The following MED24 variants were observed in gnomAD, a reference collection of about 807,000 sequenced individuals.
MED24 encodes mediator of RNA polymerase II transcription subunit 24.
MED24 carries 74 observed loss-of-function variants against 118.8 expected under a neutral mutation model. The ratio of observed to expected loss-of-function variants is 0.62; its 90% CI spans 0.52 to 0.76. MED24 has a LOEUF of 0.76. Among genes scored for constraint, MED24 ranks in the 30% least tolerant of loss-of-function variants. The pLI, the probability that MED24 is intolerant of heterozygous loss-of-function variation, is 0.00. For missense variants in MED24, 1,041 were observed against 1,278.9 expected (o/e 0.81, Z 2.84); for synonymous variants, 521 against 523.9 (o/e 0.99, Z 0.08).
rs190086252 is a variant in MED24 at position 40,044,705 on chromosome 17, C to T, written c.214-8551G>A. Among the ~76,000 whole-genome samples the T allele has an allele frequency of 2.9e-3, 437 of 151,568 alleles. 3 individuals are homozygous for T. The Middle Eastern group carries it at 0.066, about 23-fold the overall frequency. On this transcript the variant is annotated intron_variant, in intron 3 of 25. Transcript: ENST00000394128. ...GACCATCCTGGCTAACAAGATGAAA[C>T]GCATCTCTACTAAAAATACAAAAAT...
chr17:40,029,290 C>T (rs1448666038), intron 13 of MED24, among the ~76,000 whole-genome samples: 1 of 152,170 alleles, frequency 6.6e-6, no homozygotes, highest in Admixed American at 6.5e-5. Context: ...CCTCTGCCCC[C>T]CAGGGTTCAG....
intron 3 of MED24, among the ~76,000 whole-genome samples, chr17:40,043,905 C>CAAAAAAAAAAAAAAAAAAAAAAA (rs1555668276): frequency 5.2e-5 from 6 of 115,176 alleles, no homozygotes; most frequent in Non-Finnish European, 7.5e-5. Flanking sequence ...AAAAAAAAAA[C>CAAAAAAAAAAAAAAAAAAAAAAA]AAAGATTTAA....
chr17:40,030,669 T>TA (rs10629038), intron 12 of MED24, among the ~76,000 whole-genome samples: 33 of 90,362 alleles, frequency 3.7e-4, no homozygotes, highest in African/African-American at 1.2e-3. Context: ...TTTATTTATT[T>TA]TTTTTTTGAG....
rs772575525 is a variant in MED24, at chr17:40,023,315, GAGGGA to G, written c.2061_2065del (p.Pro688HisfsTer44). ...GTAGGGCATTGTGTCCACCCCGGTG[GAGGGA>G]AACTTGATCTGCGTGGCTGTCTGCT... is the stretch of plus-strand genomic sequence containing the variant. On this transcript the variant is annotated frameshift_variant, in exon 20 of 26. Coordinates refer to ENST00000394128, the MANE Select transcript of MED24 (RefSeq NM_014815.4). LOFTEE classifies it high-confidence loss of function. 5 of 1,613,902 alleles carry G rather than the reference GAGGGA, an allele frequency of 3.1e-6. No homozygotes were observed. The highest frequency in any genetic ancestry group is 1.7e-5 in the Admixed American group (1 of 59,996).
intron 13 of MED24, 111 bp downstream of exon 13, chr17:40,029,637 A>T: frequency 9.9e-7 from 1 of 1,012,554 alleles, no homozygotes; most frequent in Non-Finnish European, 1.5e-6. Flanking sequence ...AACTATGTAT[A>T]AAAGCTAAAG....
Position 40,023,356 on chromosome 17 carries a change from G to A in MED24, c.2025C>T (p.Ala675=), listed in dbSNP as rs568088513. The A allele has an allele frequency of 4.2e-5, 67 of 1,611,314 alleles. 1 individual carries two copies. Among genetic ancestry groups the A allele is most frequent in the South Asian group, 9.9e-5 (9 of 90,652 alleles). The part of the protein sequence containing the change: ...IMNSILERMC[A]DVLQQTATQI... ...GCGTGGCTGTCTGCTGCAGCACGTC[G>A]GCACACATGCGCTCCAGGATCGAGT... is the stretch of plus-strand genomic sequence containing the variant. The change falls in exon 20 of 26, where the codon GCC becomes GCT. Residue 675 remains alanine, a synonymous_variant. Coordinates refer to ENST00000394128, the MANE Select transcript of MED24 (RefSeq NM_014815.4).
At position 40,022,645 on chromosome 17, in the gene MED24, T is replaced by A; in HGVS notation, c.2432A>T (p.Lys811Met). Residue 811 changes from lysine (K) to methionine (M), a missense_variant and splice_region_variant, in exon 21 of 26, where the codon AAG (lysine) becomes ATG (methionine). Physicochemically the swap from Lys to Met is moderately conservative, Grantham distance 95 (BLOSUM62 -1). This residue lies in a region of MED24 where 587 missense variants were observed against 694.4 expected (regional missense o/e 0.85). Coordinates refer to ENST00000394128, the MANE Select transcript of MED24 (RefSeq NM_014815.4). Reference protein sequence around the residue: ...LMDPPGTALAKLAVWCALSSY... With the variant: ...LMDPPGTALAMLAVWCALSSY... ...GGGCAAGCTCTGAAGAGAATCTTAC[T>A]TGGCAAGAGCAGTGCCCGGGGGGTC... The A allele has an allele frequency of 6.2e-7, 1 of 1,613,228 alleles. No individual in the cohort carries two copies. Among genetic ancestry groups the A allele is most frequent in the Non-Finnish European group, 8.5e-7 (1 of 1,179,966 alleles).
intron 9 of MED24, 139 bp downstream of exon 9, chr17:40,032,510 A>G (rs968343024): frequency 7.7e-6 from 5 of 650,658 alleles, no homozygotes; most frequent in East Asian, 5.5e-5. Context: ...GAAAATGATC[A>G]ATGGGAACTT....
intron 3 of MED24, among the ~76,000 whole-genome samples, chr17:40,041,052 T>C (rs1984512437): frequency 6.6e-6 from 1 of 152,118 alleles, no homozygotes; most frequent in South Asian, 2.1e-4. Context: ...CCGGACAACA[T>C]AAGAGTCTTC....
intron 13 of MED24, among the ~76,000 whole-genome samples, chr17:40,029,182 G>GA (rs780731095): frequency 3.4e-4 from 52 of 152,298 alleles, no homozygotes; most frequent in Non-Finnish European, 5.4e-4. Context: ...AGTGGGCAAG[G>GA]TCACGGCTAG....
intron 11 of MED24, 84 bp from the exon 12 acceptor site, chr17:40,031,329 C>T (rs1983350563): frequency 3.6e-6 from 5 of 1,372,672 alleles, no homozygotes; most frequent in Non-Finnish European, 5.1e-6. Context: ...GAGCAGCATC[C>T]TCCCTCTTTC....
In MED24 at chr17:40,033,612, C is replaced by T. The variant is rs1983630281; in HGVS notation, c.560-156G>A. The T allele has an allele frequency of 1.4e-6, 1 of 717,408 alleles. No individual in the cohort carries two copies. The highest frequency in any genetic ancestry group is 2.5e-6 in the Non-Finnish European group (1 of 399,788). 44.4% of individuals were successfully genotyped at this position (717,408 alleles called of 1,614,324 possible). On this transcript the variant is annotated intron_variant, in intron 6 of 25. Transcript: ENST00000394128. The surrounding 1 kb of genome is among the most constrained non-coding windows in gnomAD (Gnocchi z 5.2). Reference sequence around the variant, plus strand: ...CAGGGAGGGAGGGGCCTGAGGGCAGCATGCACTGTTTCCAGAAGGGGGGTG... The same window carrying T: ...CAGGGAGGGAGGGGCCTGAGGGCAGTATGCACTGTTTCCAGAAGGGGGGTG...
At chr17:40,045,921 G>A (rs1009600732) in intron 3 of MED24, among the ~76,000 whole-genome samples, 4 of 151,808 alleles carry the variant, frequency 2.6e-5, no homozygotes, top group Admixed American at 6.6e-5. Context: ...GGGACTACAC[G>A]TGCATGCCAC....
intron 3 of MED24, among the ~76,000 whole-genome samples, chr17:40,052,294 A>G (rs956379477): frequency 6.6e-6 from 1 of 152,164 alleles, no homozygotes; most frequent in Non-Finnish European, 1.5e-5. Flanking sequence ...CTCTGACTCA[A>G]AAAAAGGTAG....
At chr17:40,027,503 GC>G in intron 15 of MED24, 38 bp from the exon 16 acceptor site, 1 of 1,571,646 alleles carries the variant, frequency 6.4e-7, no homozygotes, top group Non-Finnish European at 8.7e-7. Flanking sequence ...CCAGACGAGG[GC>G]AGGGGGGAGC....
intron 3 of MED24, among the ~76,000 whole-genome samples, chr17:40,045,886 T>G (rs1985120248): frequency 1.3e-5 from 2 of 152,266 alleles, no homozygotes; most frequent in Admixed American, 6.5e-5. Context: ...CAAGTGATTC[T>G]CCTGCCTCAG....
At position 40,027,957 on chromosome 17, in the gene MED24, T is replaced by C. The variant is rs1267916532; in HGVS notation, c.1410-11A>G. On this transcript the variant is annotated splice_polypyrimidine_tract_variant and intron_variant, in intron 14 of 25. Transcript: ENST00000394128. Reference sequence around the variant, plus strand: ...GTGAATTCATTCAAACTGAAAGGAATGGAGACAGGCTGCATTGACCAGGGC... The same window carrying C: ...GTGAATTCATTCAAACTGAAAGGAACGGAGACAGGCTGCATTGACCAGGGC... The C allele has an allele frequency of 8.1e-6, 13 of 1,613,680 alleles. No individual in the cohort carries two copies. Among genetic ancestry groups the C allele is most frequent in the Non-Finnish European group, 1.0e-5 (12 of 1,179,952 alleles).
intron 3 of MED24, among the ~76,000 whole-genome samples, chr17:40,043,314 C>G (rs1470651551): frequency 6.6e-6 from 1 of 152,136 alleles, no homozygotes; most frequent in African/African-American, 2.4e-5. Context: ...ATTTTCTCCA[C>G]AGCCTCTTGA....
rs752840387 is a variant in MED24 at position 40,029,757 on chromosome 17, G to A, written c.1257C>T (p.Asn419=). Residue 419 remains asparagine (N), a synonymous_variant, in exon 13 of 26, where the codon AAC becomes AAT. Transcript: ENST00000394128. ...GGAAGGGCACACTCACCTTGAGGAT[G>A]TTTGTGACAGTGGGCTCCGCCCGGA... is the stretch of plus-strand genomic sequence containing the variant. ...LILRAEPTVT[N]ILKTMDADHS... is the part of the protein sequence containing the mutation. The A allele has an allele frequency of 1.2e-6, 2 of 1,614,090 alleles. No homozygotes were observed. The highest frequency in any genetic ancestry group is 1.1e-5 in the South Asian group (1 of 91,084).
Sources: allele counts gnomAD v4.1 joint callset (sites outside exome capture counted in the v4.1 genomes callset), GRCh38; gene constraint gnomAD v4.1.1; regional missense constraint gnomAD v4.1.1; non-coding constraint Gnocchi (gnomAD v3.1); transcripts MANE v1.5; gene names NCBI Gene and HGNC (gene_info 2026-07-23, HGNC 2026-07-21).